The following GASK1A variants were observed in gnomAD, a reference collection of about 807,000 sequenced individuals.
The protein encoded by GASK1A is Golgi-associated kinase 1A.
In GASK1A, 40 loss-of-function variants were observed where a neutral mutation model predicts 41.2. That is an observed-to-expected ratio of 0.97 (90% CI 0.75 to 1.27). The LOEUF is 1.27. Among genes scored for constraint, GASK1A ranks in the 50% most tolerant of loss-of-function variants. The pLI, the probability that GASK1A is intolerant of heterozygous loss-of-function variation, is 0.00. For synonymous variants in GASK1A, 316 were observed against 307.1 expected (o/e 1.03, Z -0.30); for missense variants, 678 against 745.1 (o/e 0.91, Z 1.05).
intron 1 of GASK1A, among the ~76,000 whole-genome samples, chr3:43,019,690 G>T (rs1010073924): frequency 6.6e-5 from 10 of 152,008 alleles, no homozygotes; most frequent in South Asian, 2.1e-4. Flanking sequence ...AAAGGTCGGG[G>T]AACAGAAACT....
chr3:43,034,110 G>A (rs2089593662), intron 2 of GASK1A, among the ~76,000 whole-genome samples: 1 of 152,180 alleles, frequency 6.6e-6, no homozygotes, highest in African/African-American at 2.4e-5. Context: ...ACATTTATCA[G>A]CATACCACTG....
chr3:43,036,908 G>A lies in GASK1A; in HGVS notation c.1290+3355G>A, dbSNP rs542407005. On this transcript the variant is annotated intron_variant, in intron 2 of 4. Coordinates refer to ENST00000430121, the MANE Select transcript of GASK1A (RefSeq NM_001129908.3). ...GTAGCCTGGGGAAACCCTGAGCTGA[G>A]AACCTAGCAAAACTGTAATAGGCTC... Among the ~76,000 whole-genome samples the A allele has an allele frequency of 2.0e-5, 3 of 152,268 alleles. No individual in the cohort carries two copies. In the East Asian group the frequency reaches 5.8e-4, roughly 29 times the overall value.
intron 1 of GASK1A, among the ~76,000 whole-genome samples, chr3:43,022,494 A>C (rs200692432): frequency 9.9e-6 from 1 of 101,134 alleles, no homozygotes; most frequent in Non-Finnish European, 2.5e-5. Context: ...TTGTAGAAGA[A>C]AAAAAAAAAA....
intron 1 of GASK1A, among the ~76,000 whole-genome samples, chr3:42,997,715 T>G (rs1277209061): frequency 6.6e-6 from 1 of 152,242 alleles, no homozygotes; most frequent in Non-Finnish European, 1.5e-5. Context: ...TTATCTCATT[T>G]AATTAGCATA....
At chr3:43,047,554 G>T (rs926437492) in intron 2 of GASK1A, among the ~76,000 whole-genome samples, 1 of 152,076 alleles carries the variant, frequency 6.6e-6, no homozygotes, top group African/African-American at 2.4e-5. Flanking sequence ...GATTGCTGTT[G>T]GTCCACTGAT....
rs747672181 is a variant in GASK1A, at chr3:43,033,361, G to T, written c.1098G>T (p.Arg366Ser). The T allele has an allele frequency of 8.4e-6, 13 of 1,551,426 alleles. No homozygotes were observed. Among genetic ancestry groups the T allele is most frequent in the African/African-American group, 1.4e-5 (1 of 73,056 alleles). Residue 366 changes from arginine to serine, a missense_variant, in exon 2 of 5, where the codon AGG (arginine) becomes AGT (serine). By Grantham distance (110) the Arg-to-Ser change is moderately radical. Coordinates refer to ENST00000430121, the MANE Select transcript of GASK1A (RefSeq NM_001129908.3). Reference protein sequence around the residue: ...LPYRYTDGGARPVIWWAPDVQ... With the variant: ...LPYRYTDGGASPVIWWAPDVQ... Reference sequence around the variant, plus strand: ...ACCGATACACAGACGGTGGAGCAAGGCCTGTCATCTGGTGGGCACCCGATG... The same window carrying T: ...ACCGATACACAGACGGTGGAGCAAGTCCTGTCATCTGGTGGGCACCCGATG...
At chr3:43,004,017 AG>A (rs529728361) in intron 1 of GASK1A, among the ~76,000 whole-genome samples, 312 of 152,278 alleles carry the variant, frequency 2.0e-3, no homozygotes, top group African/African-American at 7.3e-3. Flanking sequence ...AGGATCTATG[AG>A]GGTGTCGTTG....
At chr3:43,017,574 G>A (rs67186096) in intron 1 of GASK1A, among the ~76,000 whole-genome samples, 25,797 of 148,240 alleles carry the variant, frequency 0.17, 2,453 homozygotes, top group Non-Finnish European at 0.23. Flanking sequence ...GGAAGGGGTA[G>A]TGGGAAATCA....
intron 1 of GASK1A, among the ~76,000 whole-genome samples, chr3:43,021,222 T>C (rs1559402330): frequency 6.6e-6 from 1 of 152,206 alleles, no homozygotes; most frequent in Non-Finnish European, 1.5e-5. Context: ...TGTCAGAATC[T>C]GTCTTCTCCT....
At chr3:43,015,913 GAAGCCAAAGGAAGGGGCAGTGTA>G (rs1401742752) in intron 1 of GASK1A, among the ~76,000 whole-genome samples, 1 of 151,818 alleles carries the variant, frequency 6.6e-6, no homozygotes, top group Non-Finnish European at 1.5e-5. Context: ...GGGGCAGTGT[GAAGCCAAAGGAAGGGGCAGTGTA>G]AAGCCACAGG....
intron 2 of GASK1A, among the ~76,000 whole-genome samples, chr3:43,046,732 T>C (rs550435722): frequency 6.6e-6 from 1 of 152,238 alleles, no homozygotes; most frequent in East Asian, 1.9e-4. Context: ...TCATCACAGG[T>C]CCAAAGGCCT....
chr3:43,055,524 G>T lies in GASK1A; in HGVS notation c.1506G>T (p.Glu502Asp). ...PEDKLNFRLL[E>D]GIDGFPESAV... ...ACAAGCTGAACTTTCGGCTGCTGGA[G>T]GGCATAGATGGGTGAGGGTCAAAAG... Residue 502 changes from glutamate (E) to aspartate (D), a missense_variant, in exon 4 of 5, where the codon GAG becomes GAT. By Grantham distance (45) the Glu-to-Asp change is conservative. Transcript: ENST00000430121. The T allele has an allele frequency of 6.4e-7, 1 of 1,551,662 alleles. No homozygotes were observed. Among genetic ancestry groups the T allele is most frequent in the Non-Finnish European group, 8.7e-7 (1 of 1,146,728 alleles).
chr3:43,040,283 C>A (rs1317387604), intron 2 of GASK1A, among the ~76,000 whole-genome samples: 2 of 151,598 alleles, frequency 1.3e-5, no homozygotes, highest in Non-Finnish European at 2.9e-5. Flanking sequence ...TTTAATAGAG[C>A]CAATTTCCAT....
intron 1 of GASK1A, among the ~76,000 whole-genome samples, chr3:43,009,622 G>T (rs2089453637): frequency 1.3e-5 from 2 of 152,294 alleles, no homozygotes; most frequent in Admixed American, 1.3e-4. Context: ...CCATAAAATG[G>T]TATGATATTT....
rs150453021 is a variant in GASK1A, at chr3:43,039,747, T to C, written c.1290+6194T>C. ...ATTCCTTTCTTTGTGTCCATGTGTATTCAGTGTTTAGCTCCCACTTATAAG... is the reference window on the plus strand; with the variant it reads ...ATTCCTTTCTTTGTGTCCATGTGTACTCAGTGTTTAGCTCCCACTTATAAG... On this transcript the variant is annotated intron_variant, in intron 2 of 4. Transcript: ENST00000430121. Among the ~76,000 whole-genome samples the C allele has an allele frequency of 8.6e-3, 1,311 of 152,288 alleles. 8 individuals carry two copies. Among genetic ancestry groups the C allele is most frequent in the Non-Finnish European group, 0.014 (985 of 68,008 alleles).
At chr3:43,053,982 C>T (rs955037417) in intron 3 of GASK1A, 9 of 380,934 alleles carry the variant, frequency 2.4e-5, no homozygotes, top group Non-Finnish European at 4.0e-5. Context: ...CCTCGTTGTG[C>T]CAGTAAATGA....
intron 1 of GASK1A, among the ~76,000 whole-genome samples, chr3:42,987,747 C>A (rs1408451307): frequency 2.0e-5 from 3 of 151,764 alleles, no homozygotes; most frequent in African/African-American, 7.3e-5. Flanking sequence ...ACCTGTAATC[C>A]CAGCACTTTG....
intron 1 of GASK1A, among the ~76,000 whole-genome samples, chr3:42,996,739 A>C (rs535575582): frequency 2.6e-5 from 4 of 152,344 alleles, no homozygotes; most frequent in Admixed American, 6.5e-5. Flanking sequence ...AAACTTGTCA[A>C]ATAGTTTGGG....
intron 1 of GASK1A, among the ~76,000 whole-genome samples, chr3:42,986,051 G>A (rs993446119): frequency 2.0e-5 from 3 of 152,166 alleles, no homozygotes; most frequent in African/African-American, 4.8e-5. Context: ...ACAGCTTTAC[G>A]TATAATTGCC....
Sources: gnomAD v4.1 joint callset for allele counts (sites outside exome capture counted in the v4.1 genomes callset) on GRCh38, gnomAD v4.1.1 for gene constraint, MANE v1.5 for transcripts, NCBI Gene and HGNC (gene_info 2026-07-23, HGNC 2026-07-21) for gene names.